XKR4: variants seen among roughly 807,000 people sequenced by gnomAD.
XKR4 encodes the protein XK-related protein 4.
A neutral mutation model predicts 53.9 loss-of-function variants in XKR4; 12 were observed. That is an observed-to-expected ratio of 0.22 (90% confidence interval 0.14 to 0.36). The LOEUF (loss-of-function observed/expected upper bound fraction) is 0.36. XKR4 is among the 10% of genes least tolerant of loss of function. The pLI, the probability that XKR4 is intolerant of heterozygous loss-of-function variation, is 1.00. For synonymous variants in XKR4, 354 were observed against 362.4 expected (o/e 0.98, Z 0.26); for missense variants, 799 against 859.5 (o/e 0.93, Z 0.88).
At position 55,357,732 on chromosome 8, in the gene XKR4, C is replaced by T; in HGVS notation, c.861C>T (p.Asp287=). The T allele has an allele frequency of 1.2e-6, 2 of 1,614,174 alleles. No homozygotes were observed. Among genetic ancestry groups the T allele is most frequent in the South Asian group, 1.1e-5 (1 of 91,082 alleles). Residue 287 remains aspartate (D), a synonymous_variant, in exon 2 of 3, where the codon GAC becomes GAT. Transcript: ENST00000327381. ...GIRSRQSGEN[D]RWRFYWKMVY... is the part of the protein sequence containing the mutation. ...GAAGCCGACAGAGTGGGGAGAATGA[C>T]AGATGGAGGTTTTACTGGAAAATGG...
rs1160872780 is a variant in XKR4 at position 55,534,363 on chromosome 8, C to CTTTTTTTTTTTTTTTTTTTTTT, written c.*10143_*10164dup. The CTTTTTTTTTTTTTTTTTTTTTT allele has an allele frequency of 1.3e-4, 6 of 47,162 alleles. 1 individual carries two copies. Among genetic ancestry groups the CTTTTTTTTTTTTTTTTTTTTTT allele is most frequent in the Admixed American group, 3.7e-4 (1 of 2,692 alleles). 2.9% of individuals were successfully genotyped at this position (47,162 alleles called of 1,614,324 possible). On this transcript the variant is annotated 3_prime_UTR_variant, in exon 3 of 3. Coordinates refer to ENST00000327381, the MANE Select transcript of XKR4 (RefSeq NM_052898.2). The stretch of plus-strand genomic sequence containing the variant: ...GCTCAAAGATCACGAATCTGATATT[C>CTTTTTTTTTTTTTTTTTTTTTT]TTTTTTTTTTTTTTTTTTTTTTTTT...
chr8:55,195,961 G>A (rs1049353663), intron 1 of XKR4, among the ~76,000 whole-genome samples: 36 of 152,296 alleles, frequency 2.4e-4, no homozygotes, highest in African/African-American at 8.4e-4. Context: ...GGGAAAGTCA[G>A]TGCCATCTGC....
At chr8:55,451,663 TG>T in intron 2 of XKR4, 2 of 1,555,358 alleles carry the variant, frequency 1.3e-6, no homozygotes, top group South Asian at 1.2e-5. Context: ...CTGGACACTC[TG>T]GGGCACGATC....
At chr8:55,353,997 C>T (rs1351065145) in intron 1 of XKR4, among the ~76,000 whole-genome samples, 1 of 152,156 alleles carries the variant, frequency 6.6e-6, no homozygotes, top group Non-Finnish European at 1.5e-5. Flanking sequence ...CAACATCATT[C>T]TTTAGTCTAC....
chr8:55,453,787 A>T, intron 2 of XKR4: 1 of 429,862 alleles, frequency 2.3e-6, no homozygotes, highest in Non-Finnish European at 4.5e-6. Flanking sequence ...CTTGGATGTG[A>T]TGCAGGACTC....
chr8:55,379,051 T>C (rs1402501614), intron 2 of XKR4, among the ~76,000 whole-genome samples: 3 of 152,214 alleles, frequency 2.0e-5, no homozygotes, highest in African/African-American at 4.8e-5. Flanking sequence ...TGAACCCTCA[T>C]GAGTAACCCT....
chr8:55,452,218 G>T, intron 2 of XKR4: 1 of 667,890 alleles, frequency 1.5e-6, no homozygotes, highest in Non-Finnish European at 2.7e-6. Context: ...ATTTTCAGCA[G>T]CTGGAATGTG....
chr8:55,508,744 G>A (rs941777699), intron 2 of XKR4, among the ~76,000 whole-genome samples: 1 of 152,214 alleles, frequency 6.6e-6, no homozygotes, highest in Non-Finnish European at 1.5e-5. Flanking sequence ...TTCAGTAAGT[G>A]TTTACTGAAT....
intron 1 of XKR4, among the ~76,000 whole-genome samples, chr8:55,258,049 C>G (rs1409810350): frequency 2.0e-5 from 3 of 152,246 alleles, no homozygotes; most frequent in Middle Eastern, 3.4e-3. Context: ...CCCCAGGCAC[C>G]TCATCTAACA....
rs1449294342 is a variant in XKR4 at position 55,393,426 on chromosome 8, GGAAGGAAGGAAGGAAGGA to G, written c.1006+35550_1006+35567del. Among the ~76,000 whole-genome samples, 136 of 52,588 alleles carry G rather than the reference GGAAGGAAGGAAGGAAGGA, an allele frequency of 2.6e-3. 1 individual carries two copies. The highest frequency in any genetic ancestry group is 4.9e-3 in the African/African-American group (133 of 27,042). 34.5% of individuals were successfully genotyped at this position (52,588 alleles called of 152,430 possible). On this transcript the variant is annotated intron_variant, in intron 2 of 2. Coordinates refer to ENST00000327381, the MANE Select transcript of XKR4 (RefSeq NM_052898.2). The stretch of plus-strand genomic sequence containing the variant: ...AAGAAGGAAGGAAGGAAGGAAGGAA[GGAAGGAAGGAAGGAAGGA>G]AGGAAGGAAGGAAGAAAGGAAGGAA...
chr8:55,287,725 C>T (rs569120561), intron 1 of XKR4, among the ~76,000 whole-genome samples: 6 of 152,204 alleles, frequency 3.9e-5, no homozygotes, highest in Non-Finnish European at 5.9e-5. Flanking sequence ...TCGCCATCCC[C>T]GTTCTCCCTA....
chr8:55,170,076 A>C (rs1193774916), intron 1 of XKR4, among the ~76,000 whole-genome samples: 1 of 152,206 alleles, frequency 6.6e-6, no homozygotes, highest in South Asian at 2.1e-4. Context: ...ATTCATATTC[A>C]TATTCTTTAT....
In XKR4 at chr8:55,227,927, G is replaced by A. The variant is rs558528426; in HGVS notation, c.806+124633G>A. Among the ~76,000 whole-genome samples, 52 of 152,206 alleles carry A rather than the reference G, an allele frequency of 3.4e-4. 1 individual carries two copies. The highest frequency in any genetic ancestry group is 1.2e-3 in the African/African-American group (49 of 41,524). ...TTTTTTGTTTTTTGTGTTTTTTTGA[G>A]ATAGAGTCTTGCTATGTCATCCAGG... On this transcript the variant is annotated intron_variant, in intron 1 of 2. Coordinates refer to ENST00000327381, the MANE Select transcript of XKR4 (RefSeq NM_052898.2).
intron 2 of XKR4, among the ~76,000 whole-genome samples, chr8:55,425,904 A>T (rs1414622165): frequency 6.6e-6 from 1 of 152,226 alleles, no homozygotes; most frequent in African/African-American, 2.4e-5. Flanking sequence ...TGACCCAGCT[A>T]CTTAAATGCC....
chr8:55,160,784 A>T (rs1816973302), intron 1 of XKR4, among the ~76,000 whole-genome samples: 1 of 152,206 alleles, frequency 6.6e-6, no homozygotes, highest in Non-Finnish European at 1.5e-5. Context: ...GCTGCTTAAG[A>T]ATAGGGACTG....
chr8:55,204,354 G>A (rs184071485), intron 1 of XKR4, among the ~76,000 whole-genome samples: 16 of 152,034 alleles, frequency 1.1e-4, no homozygotes, highest in African/African-American at 3.9e-4. Context: ...ACTTTATGTC[G>A]CCATTTAGCC....
intron 1 of XKR4, among the ~76,000 whole-genome samples, chr8:55,252,906 C>A (rs1304171588): frequency 8.5e-5 from 13 of 152,128 alleles, no homozygotes; most frequent in Admixed American, 8.5e-4. Flanking sequence ...ATGAGATATG[C>A]ATGGGCTATT....
intron 1 of XKR4, among the ~76,000 whole-genome samples, chr8:55,189,325 C>T (rs146956035): frequency 1.2e-3 from 181 of 152,266 alleles, no homozygotes; most frequent in South Asian, 2.1e-3. Flanking sequence ...TCTTAAGAAA[C>T]GTCTGCCGAG....
chr8:55,227,592 A>G (rs1817973496), intron 1 of XKR4, among the ~76,000 whole-genome samples: 1 of 152,184 alleles, frequency 6.6e-6, no homozygotes, highest in South Asian at 2.1e-4. Context: ...GTGGCAGTAA[A>G]ATTAATTGCT....
Sources: allele counts gnomAD v4.1 joint callset (sites outside exome capture counted in the v4.1 genomes callset), GRCh38; gene constraint gnomAD v4.1.1; transcripts MANE v1.5; gene names NCBI Gene and HGNC (gene_info 2026-07-23, HGNC 2026-07-21).